The following FBN2 variants were observed in gnomAD, a reference collection of about 807,000 sequenced individuals.
The protein encoded by FBN2 is fibrillin-2.
FBN2 carries 105 observed loss-of-function variants against 355.6 expected under a neutral mutation model. That is an observed-to-expected ratio of 0.30 (90% CI 0.25 to 0.35). FBN2 has a LOEUF of 0.35. Ranked by LOEUF, FBN2 falls within the 10% of genes least tolerant of loss-of-function variation. The probability of loss-of-function intolerance (pLI) is 1.00; values close to 1 mark genes in which losing one functional copy is unlikely to be tolerated. For missense variants in FBN2, 3,280 were observed against 3,758.7 expected (o/e 0.87, Z 3.33); for synonymous variants, 1,350 against 1,301.2 (o/e 1.04, Z -0.81).
At chr5:128,452,545 T>C (rs946931668) in intron 6 of FBN2, among the ~76,000 whole-genome samples, 2 of 152,174 alleles carry the variant, frequency 1.3e-5, no homozygotes, top group Middle Eastern at 3.2e-3. Context: ...TTTTAGTTCA[T>C]GTCCAAATAT....
chr5:128,333,815 G>A (rs903466134), intron 31 of FBN2, among the ~76,000 whole-genome samples: 16 of 143,594 alleles, frequency 1.1e-4, no homozygotes, highest in African/African-American at 3.8e-4. Context: ...CTAGTTCAAC[G>A]ATTACATATT....
chr5:128,473,948 G>A (rs1035852756), intron 5 of FBN2, among the ~76,000 whole-genome samples: 1 of 152,174 alleles, frequency 6.6e-6, no homozygotes, highest in Admixed American at 6.5e-5. Context: ...CTTGGCCAAA[G>A]GACTGCTTTC....
intron 6 of FBN2, among the ~76,000 whole-genome samples, chr5:128,454,440 T>C (rs759713469): frequency 2.0e-5 from 3 of 152,254 alleles, no homozygotes; most frequent in Non-Finnish European, 4.4e-5. Flanking sequence ...ACTTGGTTAA[T>C]GTAGGCAGCC....
chr5:128,471,086 T>C (rs1417414920), intron 5 of FBN2, among the ~76,000 whole-genome samples: 1 of 152,168 alleles, frequency 6.6e-6, no homozygotes. Context: ...ATTTATGTTC[T>C]CAGTAACTAA....
intron 61 of FBN2, 83 bp from the exon 62 acceptor site, chr5:128,272,201 CTG>C (rs1765284954): frequency 6.7e-7 from 1 of 1,488,116 alleles, no homozygotes; most frequent in Non-Finnish European, 9.3e-7. Flanking sequence ...CCTGGGGTAA[CTG>C]TTATCATGGG....
At chr5:128,452,209 CTAA>C (rs1217944487) in intron 6 of FBN2, among the ~76,000 whole-genome samples, 8 of 152,146 alleles carry the variant, frequency 5.3e-5, no homozygotes, top group Non-Finnish European at 1.2e-4. Context: ...CAAGCAACTA[CTAA>C]TGATTGATTA....
At position 128,259,644 on chromosome 5, in the gene FBN2, C is replaced by A. The variant is rs1376579739; in HGVS notation, c.8550G>T (p.Arg2850Ser). 3 of 1,614,002 alleles carry A rather than the reference C, an allele frequency of 1.9e-6. No homozygotes were observed. The African/African-American group carries it at 4.0e-5, about 22-fold the overall frequency. Residue 2850 changes from arginine to serine, a missense_variant, in exon 65 of 65, where the codon AGG becomes AGT. Around this residue, in one of 6 missense-constraint regions of FBN2, gnomAD observed 311 missense variants for 319.1 expected, o/e 0.97. Transcript: ENST00000262464. ...CCGTGTGCAAGTAGCTGAGCCCATT[C>A]CTTTGGTGGATGCGGAAGACGCTGT... ...NDDSVFRIHQ[R>S]NGLSYLHTAK...
intron 5 of FBN2, among the ~76,000 whole-genome samples, chr5:128,479,420 T>C (rs1374954937): frequency 6.6e-6 from 1 of 152,194 alleles, no homozygotes; most frequent in Non-Finnish European, 1.5e-5. Context: ...TGTACGTATA[T>C]AGTAATATTA....
intron 59 of FBN2, 113 bp downstream of exon 59, chr5:128,275,925 T>C (rs986787061): frequency 1.7e-6 from 2 of 1,183,168 alleles, no homozygotes; most frequent in South Asian, 1.2e-5. Flanking sequence ...GCCACTAGGA[T>C]GGGACCTTTT....
At position 128,330,625 on chromosome 5, in the gene FBN2, T is replaced by C. The variant is rs931380007; in HGVS notation, c.4293A>G (p.Ser1431=). 1.2e-6 allele frequency: 2 copies of C among 1,613,940 alleles called. No individual in the cohort carries two copies. The highest frequency in any genetic ancestry group is 1.7e-6 in the Non-Finnish European group (2 of 1,179,962). The change falls in exon 33 of 65, where the codon TCA becomes TCG. Residue 1431 remains serine, a synonymous_variant. Coordinates refer to ENST00000262464, the MANE Select transcript of FBN2 (RefSeq NM_001999.4). ...AACCTTCGGAGCAGGCACAGCGGTA[T>C]GAGCCCGGGGTATTTACACACTGAG... is the stretch of plus-strand genomic sequence containing the variant. The part of the protein sequence containing the change: ...INAQCVNTPG[S]YRCACSEGFT...
At chr5:128,362,345 T>C (rs1751659810) in intron 18 of FBN2, among the ~76,000 whole-genome samples, 1 of 152,236 alleles carries the variant, frequency 6.6e-6, no homozygotes, top group African/African-American at 2.4e-5. Flanking sequence ...TTTCCCACTA[T>C]GTTTTTATCT....
At chr5:128,487,348 C>A (rs975370556) in intron 5 of FBN2, among the ~76,000 whole-genome samples, 6 of 152,148 alleles carry the variant, frequency 3.9e-5, no homozygotes, top group African/African-American at 1.4e-4. Context: ...GTAAAACAAG[C>A]CACAGAGATT....
At chr5:128,293,188 T>C (rs572330030) in intron 48 of FBN2, among the ~76,000 whole-genome samples, 4 of 152,306 alleles carry the variant, frequency 2.6e-5, no homozygotes, top group Admixed American at 6.5e-5. Context: ...GTAGAAAAGA[T>C]ACTAGTCTGA....
intron 7 of FBN2, among the ~76,000 whole-genome samples, chr5:128,432,722 A>T (rs1465134417): frequency 6.6e-6 from 1 of 152,202 alleles, no homozygotes; most frequent in Admixed American, 6.5e-5. Context: ...GATAAAAAAA[A>T]GTTTTAATAA....
chr5:128,494,108 T>G (rs1440277840), intron 5 of FBN2, among the ~76,000 whole-genome samples: 1 of 152,134 alleles, frequency 6.6e-6, no homozygotes, highest in Admixed American at 6.5e-5. Context: ...CCAAGAAGAC[T>G]AGAGGTGATC....
intron 5 of FBN2, among the ~76,000 whole-genome samples, chr5:128,489,000 C>A (rs1423245519): frequency 1.3e-5 from 2 of 152,084 alleles, no homozygotes; most frequent in African/African-American, 4.8e-5. Flanking sequence ...ATTTATAGTC[C>A]TTTGGGTATA....
intron 15 of FBN2, among the ~76,000 whole-genome samples, chr5:128,370,412 G>C (rs1751901502): frequency 6.6e-6 from 1 of 152,096 alleles, no homozygotes; most frequent in Non-Finnish European, 1.5e-5. Context: ...GGGCATTTCT[G>C]ATTAAAACAG....
intron 11 of FBN2, among the ~76,000 whole-genome samples, chr5:128,386,004 G>A (rs1752357689): frequency 1.3e-5 from 2 of 151,892 alleles, no homozygotes; most frequent in South Asian, 4.1e-4. Context: ...TTCTTTTGAT[G>A]TGCAGAAGCT....
chr5:128,347,171 G>C (rs1333631939), intron 23 of FBN2, among the ~76,000 whole-genome samples: 1 of 152,156 alleles, frequency 6.6e-6, no homozygotes, highest in Non-Finnish European at 1.5e-5. Flanking sequence ...ACCTGCTCAA[G>C]AAGCTCAAGA....
Sources: gnomAD v4.1 joint callset for allele counts (sites outside exome capture counted in the v4.1 genomes callset) on GRCh38, gnomAD v4.1.1 for gene constraint, gnomAD v4.1.1 regional missense constraint, MANE v1.5 for transcripts, NCBI Gene and HGNC (gene_info 2026-07-23, HGNC 2026-07-21) for gene names.